CLINT1: variants seen among roughly 807,000 people sequenced by gnomAD.
The protein encoded by CLINT1 is clathrin interactor 1.
Under a neutral mutation model 70.4 loss-of-function variants are expected in CLINT1, and 15 were observed. That is an observed-to-expected ratio of 0.21 (90% confidence interval 0.14 to 0.33). The LOEUF (loss-of-function observed/expected upper bound fraction) is 0.33, where lower values mean the gene tolerates loss of function less well. CLINT1 is among the 10% of genes least tolerant of loss of function. The probability of loss-of-function intolerance (pLI) is 1.00; values close to 1 mark genes in which losing one functional copy is unlikely to be tolerated. For synonymous variants in CLINT1, 227 were observed against 254.7 expected, an observed-to-expected ratio of 0.89 and a Z score of 1.04; for missense variants, 615 against 778.1, an observed-to-expected ratio of 0.79 and a Z score of 2.49.
At chr5:157,834,776 C>A (rs1763364722) in intron 1 of CLINT1, among the ~76,000 whole-genome samples, 1 of 152,140 alleles carries the variant, frequency 6.6e-6, no homozygotes, top group Admixed American at 6.5e-5. Flanking sequence ...TTGATCAAAT[C>A]CAACATTACA....
At chr5:157,803,751 A>G (rs1315550911) in intron 7 of CLINT1, 32 bp from the exon 8 acceptor site, 2 of 1,491,308 alleles carry the variant, frequency 1.3e-6, no homozygotes, top group African/African-American at 1.4e-5. Flanking sequence ...AGGAGCTTCG[A>G]AAAGTTTGTT....
intron 6 of CLINT1, among the ~76,000 whole-genome samples, chr5:157,808,717 G>A (rs1231036957): frequency 6.6e-5 from 10 of 152,058 alleles, no homozygotes; most frequent in Non-Finnish European, 1.5e-5. Flanking sequence ...ATCAGAAAAT[G>A]TAGTTTATAA....
chr5:157,813,239 G>GT lies in CLINT1; in HGVS notation c.353-13dup. On this transcript the variant is annotated splice_polypyrimidine_tract_variant and intron_variant, in intron 4 of 11. Coordinates refer to ENST00000411809, the MANE Select transcript of CLINT1 (RefSeq NM_014666.4). ...CTTACCATGCTCATCTATGAGGATG[G>GT]TAAGAGATAAGCAAAACCTAAGAAT... is the stretch of plus-strand genomic sequence containing the variant. 1.9e-6 allele frequency: 3 copies of GT among 1,605,830 alleles called. No individual in the cohort carries two copies. In the South Asian group the frequency reaches 3.3e-5, roughly 18 times the overall value.
chr5:157,848,613 C>T (rs1054476477), intron 1 of CLINT1, among the ~76,000 whole-genome samples: 6 of 150,428 alleles, frequency 4.0e-5, no homozygotes, highest in Non-Finnish European at 7.4e-5. Context: ...AAGTGATTCT[C>T]GTGCCTCAAC....
chr5:157,797,384 T>C (rs1231715382), intron 8 of CLINT1, among the ~76,000 whole-genome samples: 1 of 152,014 alleles, frequency 6.6e-6, no homozygotes, highest in Admixed American at 6.6e-5. Flanking sequence ...GGGATTTTCT[T>C]TTCTGTTTTT....
intron 3 of CLINT1, among the ~76,000 whole-genome samples, chr5:157,815,121 AC>A (rs1762679694): frequency 1.2e-5 from 1 of 80,112 alleles, no homozygotes; most frequent in African/African-American, 8.8e-5. Context: ...CTTCACACAT[AC>A]ACACACACAC....
intron 1 of CLINT1, among the ~76,000 whole-genome samples, chr5:157,833,168 C>CA (rs1177541465): frequency 0.029 from 4,472 of 152,030 alleles, 206 homozygotes; most frequent in African/African-American, 0.1. Flanking sequence ...CTGGCCAACA[C>CA]GGTGAAACCC....
At chr5:157,809,131 G>A (rs1367290713) in intron 6 of CLINT1, 1 of 152,276 alleles carries the variant, frequency 6.6e-6, no homozygotes, top group Non-Finnish European at 1.5e-5. Flanking sequence ...ACTAAAACCA[G>A]AACAATACAG....
Position 157,859,090 on chromosome 5 carries a change from C to T in CLINT1, c.-120G>A. On this transcript the variant is annotated 5_prime_UTR_variant, in exon 1 of 12. Transcript: ENST00000411809. ...CGCCGCCCGCCGCCTCGAACTCCCC[C>T]AGTCAGCTCCTTCCTTTGCCACAGC... The T allele has an allele frequency of 9.4e-7, 1 of 1,067,660 alleles. No individual in the cohort carries two copies. The allele number at this position is 1,067,660 out of a possible 1,614,324, so 66.1% of individuals were successfully genotyped here. A position where few individuals can be genotyped will look rare whatever the true frequency, so the allele number is the denominator to read the frequency against.
chr5:157,842,012 G>T (rs1325347052), intron 1 of CLINT1, among the ~76,000 whole-genome samples: 1 of 152,192 alleles, frequency 6.6e-6, no homozygotes, highest in Non-Finnish European at 1.5e-5. Context: ...CTCAAGTGCA[G>T]TCATTCTTCC....
At chr5:157,813,406 G>A (rs1762619543) in intron 4 of CLINT1, among the ~76,000 whole-genome samples, 179 bp from the exon 5 acceptor site, 1 of 152,020 alleles carries the variant, frequency 6.6e-6, no homozygotes, top group Non-Finnish European at 1.5e-5. Flanking sequence ...CAAATTCTAA[G>A]TTCTAAAATG....
intron 7 of CLINT1, among the ~76,000 whole-genome samples, chr5:157,805,163 A>G (rs1348312345): frequency 6.6e-6 from 1 of 152,240 alleles, no homozygotes; most frequent in Non-Finnish European, 1.5e-5. Context: ...AATCTGCTGC[A>G]TACATTAGAA....
Position 157,809,675 on chromosome 5 carries a change from G to A in CLINT1, c.648C>T (p.Ile216=). 1 of 1,613,086 alleles carries A rather than the reference G, an allele frequency of 6.2e-7. No homozygotes were observed. Among genetic ancestry groups the A allele is most frequent in the Non-Finnish European group, 8.5e-7 (1 of 1,179,520 alleles). ...CTCTATCTTTCCTCCGGAACTTGCT[G>A]ATGGTGTCATCAATTGTGCTTCCAA... The part of the protein sequence containing the change: ...DKIGSTIDDT[I]SKFRRKDRED... Residue 216 remains isoleucine (I), a synonymous_variant, in exon 6 of 12, where the codon ATC becomes ATT. Coordinates refer to ENST00000411809, the MANE Select transcript of CLINT1 (RefSeq NM_014666.4).
chr5:157,829,356 T>G (rs1333652759), intron 1 of CLINT1, among the ~76,000 whole-genome samples: 2 of 152,236 alleles, frequency 1.3e-5, no homozygotes, highest in East Asian at 3.8e-4. Context: ...AACAGTAGTC[T>G]AAATGATGTT....
At chr5:157,846,040 C>G (rs186931680) in intron 1 of CLINT1, among the ~76,000 whole-genome samples, 5 of 152,292 alleles carry the variant, frequency 3.3e-5, no homozygotes, top group Non-Finnish European at 5.9e-5. Flanking sequence ...GCCGCTCTCC[C>G]TCTCCTCTGG....
chr5:157,839,255 T>G (rs766433996), intron 1 of CLINT1, among the ~76,000 whole-genome samples: 9 of 149,882 alleles, frequency 6.0e-5, no homozygotes, highest in East Asian at 2.0e-4. Flanking sequence ...AAAAAGAAAA[T>G]AAAACCTTAA....
At chr5:157,827,065 T>C (rs1242573746) in intron 1 of CLINT1, among the ~76,000 whole-genome samples, 1 of 152,138 alleles carries the variant, frequency 6.6e-6, no homozygotes, top group East Asian at 1.9e-4. Flanking sequence ...CAGACTCACA[T>C]CTAAAATTTC....
chr5:157,816,891 A>C, intron 2 of CLINT1, 61 bp from the exon 3 acceptor site: 5 of 1,216,422 alleles, frequency 4.1e-6, no homozygotes, highest in Non-Finnish European at 4.7e-6. Flanking sequence ...TAGATGGCAG[A>C]CTTGTTCTAA....
At chr5:157,836,681 T>C (rs1422510464) in intron 1 of CLINT1, among the ~76,000 whole-genome samples, 1 of 152,228 alleles carries the variant, frequency 6.6e-6, no homozygotes, top group Non-Finnish European at 1.5e-5. Flanking sequence ...TGCCACTTTC[T>C]CACCAGCTCT....
Sources: allele counts gnomAD v4.1 joint callset (sites outside exome capture counted in the v4.1 genomes callset), GRCh38; gene constraint gnomAD v4.1.1; transcripts MANE v1.5; gene names NCBI Gene and HGNC (gene_info 2026-07-23, HGNC 2026-07-21).